The following TTLL11 variants were observed in gnomAD, a reference collection of about 807,000 sequenced individuals.
TTLL11 encodes the protein tubulin polyglutamylase TTLL11.
In TTLL11, 42 loss-of-function variants were observed where a neutral mutation model predicts 51.7. The ratio of observed to expected loss-of-function variants is 0.81; its 90% CI spans 0.64 to 1.05. The LOEUF (loss-of-function observed/expected upper bound fraction) is 1.05. TTLL11 is among the 50% of genes least tolerant of loss of function. TTLL11 has a pLI of 0.00. For synonymous variants in TTLL11, 381 were observed against 383.5 expected (o/e 0.99, Z 0.08); for missense variants, 799 against 940.4 (o/e 0.85, Z 1.97).
intron 6 of TTLL11, among the ~76,000 whole-genome samples, chr9:121,926,289 G>A (rs1458874500): frequency 1.3e-5 from 2 of 152,176 alleles, no homozygotes; most frequent in African/African-American, 4.8e-5. Flanking sequence ...TCAGGGCAAA[G>A]GATTGCCACG....
At position 121,822,500 on chromosome 9, in the gene TTLL11, G is replaced by T; in HGVS notation, c.*87C>A. ...AGCTGGGCCCCTCGGCAGCCTGCCT[G>T]CCATTCCTCTGCAGGCAGAATGCCT... On this transcript the variant is annotated 3_prime_UTR_variant, in exon 9 of 9. Coordinates refer to ENST00000321582, the MANE Select transcript of TTLL11 (RefSeq NM_001139442.2). The surrounding 1 kb of genome is among the most constrained non-coding windows in gnomAD (Gnocchi z 5.8). The T allele has an allele frequency of 7.7e-7, 1 of 1,291,960 alleles. No homozygotes were observed. Among genetic ancestry groups the T allele is most frequent in the Non-Finnish European group, 1.0e-6 (1 of 977,058 alleles). The allele number at this position is 1,291,960 out of a possible 1,614,324, so 80.0% of individuals were successfully genotyped here. A position where few individuals can be genotyped will look rare whatever the true frequency, so the allele number is the denominator to read the frequency against.
At chr9:122,083,165 T>C (rs533518596) in intron 1 of TTLL11, among the ~76,000 whole-genome samples, 19 of 152,262 alleles carry the variant, frequency 1.2e-4, no homozygotes, top group Middle Eastern at 3.4e-3. Flanking sequence ...ACCCTCATGG[T>C]GGGACTGCGC....
In TTLL11 at chr9:122,039,285, C is replaced by A. The variant is rs772648814; in HGVS notation, c.546G>T (p.Val182=). Residue 182 remains valine, a synonymous_variant, in exon 2 of 9, where the codon GTG becomes GTT. Transcript: ENST00000321582. ...AACAGCAGATACCTGGAAACTTGTT[C>A]ACTTGACCGGAGAATATGTCATTGT... The part of the protein sequence containing the change: ...FHDNDIFSGQ[V]NKFPGMTEMV... 11 of 1,613,796 alleles carry A rather than the reference C, an allele frequency of 6.8e-6. No individual in the cohort carries two copies. Among genetic ancestry groups the A allele is most frequent in the African/African-American group, 1.3e-5 (1 of 74,904 alleles).
chr9:121,977,404 C>G (rs1484829361), intron 4 of TTLL11, among the ~76,000 whole-genome samples: 1 of 152,168 alleles, frequency 6.6e-6, no homozygotes, highest in Non-Finnish European at 1.5e-5. Flanking sequence ...AAAGCAATAC[C>G]TAGGCCTATG....
intron 8 of TTLL11, among the ~76,000 whole-genome samples, chr9:121,841,935 G>A (rs1397045924): frequency 6.6e-6 from 1 of 152,050 alleles, no homozygotes; most frequent in East Asian, 1.9e-4. Context: ...TAGACTTCAG[G>A]GAAGACATGG....
chr9:121,824,413 T>C (rs539955169), intron 8 of TTLL11, among the ~76,000 whole-genome samples: 1 of 149,076 alleles, frequency 6.7e-6, no homozygotes, highest in Admixed American at 6.7e-5. Flanking sequence ...AAGTCAGAGG[T>C]TGCAGTGAGC....
At chr9:121,869,623 AC>A (rs1376543707) in intron 7 of TTLL11, among the ~76,000 whole-genome samples, 1 of 152,218 alleles carries the variant, frequency 6.6e-6, no homozygotes, top group Non-Finnish European at 1.5e-5. Flanking sequence ...ATATAAACAT[AC>A]ATATAATTTC....
At chr9:121,998,249 C>A (rs1222790237) in intron 3 of TTLL11, among the ~76,000 whole-genome samples, 1 of 152,072 alleles carries the variant, frequency 6.6e-6, no homozygotes, top group Non-Finnish European at 1.5e-5. Context: ...ATAATTTACA[C>A]ATTAAGTCGC....
chr9:122,051,947 T>A (rs7849175), intron 1 of TTLL11, among the ~76,000 whole-genome samples: 48,049 of 151,572 alleles, frequency 0.32, 7,998 homozygotes, highest in African/African-American at 0.39. Context: ...AGAAAAAACA[T>A]AGCACAGAAA....
chr9:121,872,917 C>G (rs1588084828), intron 6 of TTLL11, among the ~76,000 whole-genome samples: 1 of 152,214 alleles, frequency 6.6e-6, no homozygotes, highest in East Asian at 1.9e-4. Context: ...TTGTCATCAT[C>G]ACCTTGAACT....
chr9:121,927,025 G>A (rs1338296030), intron 6 of TTLL11, among the ~76,000 whole-genome samples: 2 of 152,156 alleles, frequency 1.3e-5, no homozygotes, highest in Non-Finnish European at 2.9e-5. Context: ...TCCCATTCAT[G>A]AGGTTCCACC....
At chr9:122,065,979 T>C (rs1377811463) in intron 1 of TTLL11, among the ~76,000 whole-genome samples, 1 of 152,130 alleles carries the variant, frequency 6.6e-6, no homozygotes, top group Non-Finnish European at 1.5e-5. Context: ...CTTCCCAGTG[T>C]ACAGTGGATT....
In TTLL11 at chr9:122,055,243, A is replaced by AG. The variant is rs57031172; in HGVS notation, c.463-15876_463-15875insC. 5.8e-3 allele frequency among the ~76,000 whole-genome samples: 836 copies of AG among 145,078 alleles called. 2 individuals carry two copies. The highest frequency in any genetic ancestry group is 0.018 in the Middle Eastern group (5 of 282). On this transcript the variant is annotated intron_variant, in intron 1 of 8. Transcript: ENST00000321582. ...TAGATAGATAGATAGATAGATAGATAAAGGGGAGTTTATTAAGTATTAACT... is the reference window on the plus strand; with the variant it reads ...TAGATAGATAGATAGATAGATAGATAGAAGGGGAGTTTATTAAGTATTAACT...
chr9:121,911,402 A>G (rs1272300339), intron 6 of TTLL11, among the ~76,000 whole-genome samples: 10 of 150,482 alleles, frequency 6.6e-5, no homozygotes, highest in Non-Finnish European at 1.3e-4. Context: ...ATCTCAGGAG[A>G]AAAAAAAAAT....
intron 6 of TTLL11, among the ~76,000 whole-genome samples, chr9:121,943,309 A>C (rs192854600): frequency 7.2e-5 from 11 of 152,334 alleles, no homozygotes; most frequent in African/African-American, 2.6e-4. Context: ...AGAAACAGGC[A>C]TGAGTAGCCT....
At chr9:122,070,643 T>C (rs1394840391) in intron 1 of TTLL11, among the ~76,000 whole-genome samples, 3 of 151,988 alleles carry the variant, frequency 2.0e-5, no homozygotes, top group Non-Finnish European at 4.4e-5. Flanking sequence ...TGGACGAGTG[T>C]CTCTGAGGGG....
chr9:121,998,625 A>G (rs1192910769), intron 3 of TTLL11, among the ~76,000 whole-genome samples: 1 of 150,958 alleles, frequency 6.6e-6, no homozygotes, highest in African/African-American at 2.4e-5. Context: ...TCAATGTCTT[A>G]TTTTGCAACA....
At chr9:121,997,094 A>G (rs1046521173) in intron 3 of TTLL11, among the ~76,000 whole-genome samples, 2 of 152,164 alleles carry the variant, frequency 1.3e-5, no homozygotes, top group African/African-American at 4.8e-5. Flanking sequence ...CTTTACCCCA[A>G]TGCCAGCCTG....
At chr9:121,973,713 T>G (rs1312748986) in intron 6 of TTLL11, among the ~76,000 whole-genome samples, 3 of 152,082 alleles carry the variant, frequency 2.0e-5, no homozygotes, top group Non-Finnish European at 4.4e-5. Context: ...CTGCACGTTG[T>G]GCACATGTAC....
Sources: gnomAD v4.1 joint callset for allele counts (sites outside exome capture counted in the v4.1 genomes callset) on GRCh38, gnomAD v4.1.1 for gene constraint, Gnocchi (gnomAD v3.1) non-coding constraint, MANE v1.5 for transcripts, NCBI Gene and HGNC (gene_info 2026-07-23, HGNC 2026-07-21) for gene names.